Variants in AIFM3 observed in about 807,000 individuals in gnomAD.
AIFM3 encodes the protein apoptosis-inducing factor 3.
A neutral mutation model predicts 82.7 loss-of-function variants in AIFM3; 71 were observed. That is an observed-to-expected ratio of 0.86 (90% confidence interval 0.71 to 1.05). AIFM3 has a LOEUF of 1.05. AIFM3 is among the 50% of genes least tolerant of loss of function. The pLI, the probability that AIFM3 is intolerant of heterozygous loss-of-function variation, is 0.00. For missense variants in AIFM3, 748 were observed against 816.7 expected (o/e 0.92, Z 1.03); for synonymous variants, 337 against 329.1 (o/e 1.02, Z -0.26).
At chr22:20,979,074 G>C (rs1361743334) in intron 16 of AIFM3, among the ~76,000 whole-genome samples, 197 bp from the exon 17 acceptor site, 1 of 152,200 alleles carries the variant, frequency 6.6e-6, no homozygotes, top group Non-Finnish European at 1.5e-5. Context: ...CAAGTGGCTA[G>C]CTTTGAGGCA....
rs771020603 is a variant in AIFM3 at position 20,980,985 on chromosome 22, C to G, written c.1779-7C>G. 1 of 1,614,206 alleles carries G rather than the reference C, an allele frequency of 6.2e-7. No individual in the cohort carries two copies. The highest frequency in any genetic ancestry group is 2.2e-5 in the East Asian group (1 of 44,880). On this transcript the variant is annotated splice_polypyrimidine_tract_variant and splice_region_variant and intron_variant, in intron 20 of 20. Transcript: ENST00000440238. ...TGTCTTGACCCCTCCTCCCCTCACT[C>G]CTGCAGGACTGGCGACATGTCCTGG...
intron 8 of AIFM3, among the ~76,000 whole-genome samples, chr22:20,975,055 T>A (rs1350591705): frequency 2.6e-5 from 4 of 152,108 alleles, no homozygotes; most frequent in Non-Finnish European, 5.9e-5. Context: ...TTCCACCTCC[T>A]GGGTTCAAGC....
Position 20,974,298 on chromosome 22 carries a change from T to G in AIFM3, c.510+2T>G. ...GTGTACGTCCGGGCCAGCAAGCAGG[T>G]GAGGGGATAGCTCGGGGCTCAGGCA... On this transcript the variant is annotated splice_donor_variant, in intron 6 of 20. Transcript: ENST00000440238. LOFTEE classifies it high-confidence loss of function. 1 of 1,613,104 alleles carries G rather than the reference T, an allele frequency of 6.2e-7. No homozygotes were observed. Among genetic ancestry groups the G allele is most frequent in the Non-Finnish European group, 8.5e-7 (1 of 1,179,844 alleles).
intron 2 of AIFM3, among the ~76,000 whole-genome samples, chr22:20,968,422 A>C (rs1412597592): frequency 2.0e-5 from 3 of 152,012 alleles, no homozygotes; most frequent in Non-Finnish European, 2.9e-5. Context: ...CTGACCTCTT[A>C]GAGTTGCTGT....
intron 13 of AIFM3, 38 bp downstream of exon 13, chr22:20,976,976 T>C: frequency 2.5e-6 from 4 of 1,614,152 alleles, no homozygotes; most frequent in Non-Finnish European, 3.4e-6. Flanking sequence ...CTTTCTGTCC[T>C]CTGTCCCCTG....
intron 9 of AIFM3, 94 bp from the exon 10 acceptor site, chr22:20,976,121 G>T: frequency 7.3e-7 from 1 of 1,377,638 alleles, no homozygotes; most frequent in Admixed American, 2.0e-5. Context: ...CTCAGAGGCT[G>T]TGGCTGGGCT....
chr22:20,973,590 G>A (rs1923419739), intron 3 of AIFM3, 70 bp downstream of exon 3: 10 of 1,498,998 alleles, frequency 6.7e-6, no homozygotes, highest in Admixed American at 1.9e-5. Flanking sequence ...GGCCATAGCC[G>A]GGGGTCGGGG....
At chr22:20,980,665 A>G (rs1924045065) in intron 19 of AIFM3, 82 bp from the exon 20 acceptor site, 4 of 1,592,274 alleles carry the variant, frequency 2.5e-6, no homozygotes, top group South Asian at 1.1e-5. Flanking sequence ...GCTGGAAACA[A>G]TGGAGGACCA....
At chr22:20,980,808 A>T in intron 20 of AIFM3, 41 bp downstream of exon 20, 2 of 1,613,144 alleles carry the variant, frequency 1.2e-6, no homozygotes, top group Non-Finnish European at 1.7e-6. Context: ...AGCCTTTCCC[A>T]TGTCAGCCCA....
chr22:20,975,692 T>C lies in AIFM3; in HGVS notation c.721T>C (p.Ser241Pro), dbSNP rs747316102. ...LPYDRPKLSK[S>P]LDTQPEQLAL... ...CTCTCAAGCTGGCTCTCCCCTGCAG[T>C]CCCTGGACACACAGCCTGAGCAGCT... The change falls in exon 9 of 21, where the codon TCC (serine) becomes CCC (proline). Residue 241 changes from serine (S) to proline (P), a missense_variant and splice_region_variant. This residue lies in a region of AIFM3 where 393 missense variants were observed against 481.1 expected (regional missense o/e 0.82). Coordinates refer to ENST00000440238, the MANE Select transcript of AIFM3 (RefSeq NM_001386814.1). The C allele has an allele frequency of 9.3e-6, 15 of 1,613,556 alleles. No individual in the cohort carries two copies. The highest frequency in any genetic ancestry group is 1.3e-5 in the Non-Finnish European group (15 of 1,179,986).
rs771020603 is a variant in AIFM3 at position 20,980,985 on chromosome 22, C to T, written c.1779-7C>T. The T allele has an allele frequency of 5.6e-6, 9 of 1,614,088 alleles. No individual in the cohort carries two copies. Among genetic ancestry groups the T allele is most frequent in the Non-Finnish European group, 8.5e-7 (1 of 1,180,036 alleles). On this transcript the variant is annotated splice_polypyrimidine_tract_variant and splice_region_variant and intron_variant, in intron 20 of 20. Coordinates refer to ENST00000440238, the MANE Select transcript of AIFM3 (RefSeq NM_001386814.1). ...TGTCTTGACCCCTCCTCCCCTCACT[C>T]CTGCAGGACTGGCGACATGTCCTGG... is the stretch of plus-strand genomic sequence containing the variant.
chr22:20,971,092 G>A (rs529558704), intron 2 of AIFM3, among the ~76,000 whole-genome samples: 1 of 152,236 alleles, frequency 6.6e-6, no homozygotes, highest in Non-Finnish European at 1.5e-5. Context: ...AGTGGGCTTG[G>A]AGCCTTCTGG....
intron 2 of AIFM3, 48 bp from the exon 3 acceptor site, chr22:20,973,259 G>C (rs922266009): frequency 1.6e-5 from 25 of 1,546,148 alleles, no homozygotes; most frequent in Non-Finnish European, 2.2e-5. Flanking sequence ...AGGGATGGGG[G>C]AGGAAGTTGG....
At position 20,976,395 on chromosome 22, in the gene AIFM3, G is replaced by T. The variant is rs748649192; in HGVS notation, c.900-13G>T. Reference sequence around the variant, plus strand: ...GCTGCCAGGAGGCCCTCACTGACACGGCCATGTCTCAGCCCCAAGACTCTG... The same window carrying T: ...GCTGCCAGGAGGCCCTCACTGACACTGCCATGTCTCAGCCCCAAGACTCTG... On this transcript the variant is annotated splice_polypyrimidine_tract_variant and intron_variant, in intron 10 of 20. Coordinates refer to ENST00000440238, the MANE Select transcript of AIFM3 (RefSeq NM_001386814.1). 2 of 1,613,816 alleles carry T rather than the reference G, an allele frequency of 1.2e-6. No individual in the cohort carries two copies. Among genetic ancestry groups the T allele is most frequent in the South Asian group, 2.2e-5 (2 of 91,066 alleles).
chr22:20,969,425 G>A (rs982734095), intron 2 of AIFM3, among the ~76,000 whole-genome samples: 2 of 150,814 alleles, frequency 1.3e-5, no homozygotes, highest in Non-Finnish European at 2.9e-5. Flanking sequence ...CACACCAGAA[G>A]CACTTGCGGA....
Position 20,974,312 on chromosome 22 carries a change from G to A in AIFM3, c.510+16G>A, listed in dbSNP as rs766374931. 1.1e-5 allele frequency: 18 copies of A among 1,612,560 alleles called. No homozygotes were observed. Among genetic ancestry groups the A allele is most frequent in the Non-Finnish European group, 1.4e-5 (17 of 1,179,624 alleles). The stretch of plus-strand genomic sequence containing the variant: ...CAGCAAGCAGGTGAGGGGATAGCTC[G>A]GGGCTCAGGCAGAAGGGAGGAGCCG... On this transcript the variant is annotated intron_variant, in intron 6 of 20. Transcript: ENST00000440238.
chr22:20,976,063 G>A (rs1923627595), intron 9 of AIFM3, 152 bp from the exon 10 acceptor site: 1 of 854,090 alleles, frequency 1.2e-6, no homozygotes, highest in South Asian at 1.6e-5. Context: ...GATGTCTGAA[G>A]CGTAAAGAAT....
intron 2 of AIFM3, among the ~76,000 whole-genome samples, chr22:20,971,135 G>A (rs1215765990): frequency 6.6e-6 from 1 of 152,192 alleles, no homozygotes; most frequent in Non-Finnish European, 1.5e-5. Context: ...GCCTGGCTTG[G>A]CATTATCTGG....
chr22:20,965,242 A>C (rs1922799563), upstream of AIFM3: 1 of 147,906 alleles, frequency 6.8e-6, no homozygotes, highest in Admixed American at 6.6e-5. Flanking sequence ...GGTCCCCGGA[A>C]CCCCGGTCCC....
Sources: gnomAD v4.1 joint callset for allele counts (sites outside exome capture counted in the v4.1 genomes callset) on GRCh38, gnomAD v4.1.1 for gene constraint, gnomAD v4.1.1 regional missense constraint, MANE v1.5 for transcripts, NCBI Gene and HGNC (gene_info 2026-07-23, HGNC 2026-07-21) for gene names.